GAREM1: variants seen among roughly 807,000 people sequenced by gnomAD.
The protein encoded by GAREM1 is GRB2 associated regulator of MAPK1 subtype 1.
Under a neutral mutation model 71.3 loss-of-function variants are expected in GAREM1, and 26 were observed. The observed-to-expected ratio is 0.36, with a 90% CI of 0.27 to 0.51. The LOEUF (loss-of-function observed/expected upper bound fraction) is 0.51. Ranked by LOEUF, GAREM1 falls within the 20% of genes least tolerant of loss-of-function variation. The probability of loss-of-function intolerance (pLI) is 0.95; values close to 1 mark genes in which losing one functional copy is unlikely to be tolerated. For synonymous variants in GAREM1, 440 were observed against 433.2 expected (o/e 1.02, Z -0.20); for missense variants, 1,026 against 1,103.1 (o/e 0.93, Z 0.99).
chr18:32,316,534 C>T (rs960905384), intron 2 of GAREM1, among the ~76,000 whole-genome samples: 2 of 152,160 alleles, frequency 1.3e-5, no homozygotes, highest in African/African-American at 4.8e-5. Flanking sequence ...CTCACTGGCT[C>T]CCCAGACTCA....
chr18:32,321,722 T>C (rs534272027), intron 2 of GAREM1, among the ~76,000 whole-genome samples: 14 of 152,364 alleles, frequency 9.2e-5, no homozygotes, highest in South Asian at 4.1e-4. Context: ...TTCAACTCCA[T>C]TCTTTTTCTT....
chr18:32,456,767 A>G (rs1310050670), intron 1 of GAREM1, among the ~76,000 whole-genome samples: 1 of 152,198 alleles, frequency 6.6e-6, no homozygotes, highest in Non-Finnish European at 1.5e-5. Context: ...TTAGTGAAGT[A>G]TAATTCACAG....
intron 1 of GAREM1, among the ~76,000 whole-genome samples, chr18:32,430,666 T>C (rs2048615293): frequency 6.6e-6 from 1 of 152,220 alleles, no homozygotes; most frequent in East Asian, 1.9e-4. Flanking sequence ...GACATGACTT[T>C]GATGTAGCAT....
intron 4 of GAREM1, among the ~76,000 whole-genome samples, chr18:32,275,742 G>A (rs1156346531): frequency 4.6e-5 from 7 of 152,046 alleles, no homozygotes; most frequent in African/African-American, 1.2e-4. Flanking sequence ...GCAATGGCGC[G>A]ATCTCAGCTC....
intron 1 of GAREM1, among the ~76,000 whole-genome samples, chr18:32,409,081 C>A (rs2048392784): frequency 6.6e-6 from 1 of 152,168 alleles, no homozygotes; most frequent in Admixed American, 6.5e-5. Context: ...GTTAACCCAT[C>A]AGCTCTTTTG....
At chr18:32,461,691 T>C (rs1159509964) in intron 1 of GAREM1, among the ~76,000 whole-genome samples, 2 of 152,202 alleles carry the variant, frequency 1.3e-5, no homozygotes, top group East Asian at 3.9e-4. Flanking sequence ...CAAGACTCTG[T>C]CTCAAAAAAT....
At chr18:32,402,678 A>G (rs759514537) in intron 1 of GAREM1, among the ~76,000 whole-genome samples, 27 of 152,132 alleles carry the variant, frequency 1.8e-4, no homozygotes, top group Non-Finnish European at 3.1e-4. Context: ...AATTAGTTGT[A>G]GACAACTCAA....
intron 2 of GAREM1, among the ~76,000 whole-genome samples, chr18:32,336,726 T>A (rs2047599387): frequency 6.6e-6 from 1 of 152,206 alleles, no homozygotes; most frequent in South Asian, 2.1e-4. Flanking sequence ...TAAATATGGA[T>A]CATAAACAGC....
At chr18:32,412,124 T>G (rs2048425917) in intron 1 of GAREM1, 1 of 912,118 alleles carries the variant, frequency 1.1e-6, no homozygotes. Flanking sequence ...CTGCCACCAC[T>G]GTGCTTGGCT....
intron 1 of GAREM1, chr18:32,412,058 T>C: frequency 1.4e-6 from 1 of 696,448 alleles, no homozygotes; most frequent in East Asian, 2.7e-5. Flanking sequence ...CTCGAGTTTT[T>C]TGCCCATACA....
At chr18:32,302,255 C>A (rs1436939375) in intron 3 of GAREM1, among the ~76,000 whole-genome samples, 4 of 152,126 alleles carry the variant, frequency 2.6e-5, no homozygotes, top group African/African-American at 9.7e-5. Context: ...ATAGCTGTTT[C>A]TCAGTTTTCA....
intron 1 of GAREM1, among the ~76,000 whole-genome samples, chr18:32,401,154 A>T (rs1341307200): frequency 6.6e-6 from 1 of 152,142 alleles, no homozygotes; most frequent in Non-Finnish European, 1.5e-5. Flanking sequence ...CAAGGGGAAC[A>T]TCACACACCA....
At chr18:32,381,611 G>C (rs1402531651) in intron 2 of GAREM1, among the ~76,000 whole-genome samples, 1 of 151,950 alleles carries the variant, frequency 6.6e-6, no homozygotes, top group Non-Finnish European at 1.5e-5. Context: ...TTCCTAACTA[G>C]TTCTTCTACC....
At chr18:32,365,750 A>G (rs957752292) in intron 2 of GAREM1, among the ~76,000 whole-genome samples, 1 of 152,192 alleles carries the variant, frequency 6.6e-6, no homozygotes, top group Non-Finnish European at 1.5e-5. Context: ...CACTCTGGGT[A>G]CTAATCCTAA....
chr18:32,349,104 G>A (rs2047723696), intron 2 of GAREM1, among the ~76,000 whole-genome samples: 1 of 152,124 alleles, frequency 6.6e-6, no homozygotes, highest in Non-Finnish European at 1.5e-5. Context: ...ATAAAATTCT[G>A]CACAGTATTG....
At chr18:32,450,084 T>C (rs1363822817) in intron 1 of GAREM1, among the ~76,000 whole-genome samples, 2 of 152,208 alleles carry the variant, frequency 1.3e-5, no homozygotes, top group Admixed American at 6.5e-5. Flanking sequence ...AAGAATATTA[T>C]TACAGTAAGG....
rs2048427434 is a variant in GAREM1, at chr18:32,412,276, T to C, written c.122-19241A>G. 1.9e-6 allele frequency: 3 copies of C among 1,583,872 alleles called. No homozygotes were observed. The Admixed American group carries it at 5.0e-5, about 26-fold the overall frequency. On this transcript the variant is annotated intron_variant, in intron 1 of 5. Transcript: ENST00000269209. ...CTGGAACCGCCATAGCCACCTTGGT[T>C]TCGTGGTTTTGCAAAGTACTGGCCT...
Position 32,450,646 on chromosome 18 carries a change from C to G in GAREM1, c.121+19662G>C, listed in dbSNP as rs553902829. ...TGACTCCTGAACTGAATTTCCTCTT[C>G]AATACCTCAACATAGCCACAAATTA... On this transcript the variant is annotated intron_variant, in intron 1 of 5. Transcript: ENST00000269209. Among the ~76,000 whole-genome samples the G allele has an allele frequency of 3.3e-4, 51 of 152,284 alleles. 1 individual carries two copies. Among genetic ancestry groups the G allele is most frequent in the South Asian group, 1.9e-3 (9 of 4,826 alleles).
chr18:32,434,607 A>G (rs1236737036), intron 1 of GAREM1, among the ~76,000 whole-genome samples: 1 of 152,174 alleles, frequency 6.6e-6, no homozygotes, highest in African/African-American at 2.4e-5. Flanking sequence ...ATAAACCAAA[A>G]GAATAAAATA....
Sources: allele counts gnomAD v4.1 joint callset (sites outside exome capture counted in the v4.1 genomes callset), GRCh38; gene constraint gnomAD v4.1.1; transcripts MANE v1.5; gene names NCBI Gene and HGNC (gene_info 2026-07-23, HGNC 2026-07-21).